The following ZNF609 variants were observed in gnomAD, a reference collection of about 807,000 sequenced individuals.
ZNF609 encodes zinc finger protein 609.
A neutral mutation model predicts 109.5 loss-of-function variants in ZNF609; 11 were observed. That is an observed-to-expected ratio of 0.10 (90% CI 0.06 to 0.17). The LOEUF is 0.17. ZNF609 is among the 10% of genes least tolerant of loss of function. The pLI is 1.00. For missense variants in ZNF609, 1,559 were observed against 1,772.4 expected, an observed-to-expected ratio of 0.88 and a Z score of 2.16; for synonymous variants, 646 against 662.0, an observed-to-expected ratio of 0.98 and a Z score of 0.37.
At chr15:64,586,852 T>G (rs1198404920) in intron 2 of ZNF609, among the ~76,000 whole-genome samples, 1 of 152,240 alleles carries the variant, frequency 6.6e-6, no homozygotes, top group Non-Finnish European at 1.5e-5. Flanking sequence ...ATATGCTTTT[T>G]AATTAGTTGT....
chr15:64,499,195 G>A, intron 1 of ZNF609, 98 bp from the exon 2 acceptor site: 1 of 525,598 alleles, frequency 1.9e-6, no homozygotes, highest in South Asian at 2.8e-5. Flanking sequence ...TGATATGATA[G>A]CCCCATAGGA....
intron 2 of ZNF609, among the ~76,000 whole-genome samples, chr15:64,605,122 T>G (rs1895573490): frequency 6.6e-6 from 1 of 152,142 alleles, no homozygotes; most frequent in Non-Finnish European, 1.5e-5. Flanking sequence ...TAAGCCACCG[T>G]GCCCGGCCTA....
At chr15:64,461,530 CAG>C (rs1388134066) in intron 1 of ZNF609, among the ~76,000 whole-genome samples, 1 of 152,100 alleles carries the variant, frequency 6.6e-6, no homozygotes, top group Non-Finnish European at 1.5e-5. Context: ...GTGCTTTGCT[CAG>C]ATTCTCCTTC....
rs143682184 is a variant in ZNF609 at position 64,625,590 on chromosome 15, C to T, written c.973+2538C>T. On this transcript the variant is annotated intron_variant, in intron 3 of 9. Coordinates refer to ENST00000326648, the MANE Select transcript of ZNF609 (RefSeq NM_015042.2). ...ATGTCATTGTCATTTCTGGATCTAT[C>T]TTAATATATATCTAGAGGAGCCGGG... Among the ~76,000 whole-genome samples the T allele has an allele frequency of 2.1e-3, 322 of 152,028 alleles. 2 individuals are homozygous for T. Among genetic ancestry groups the T allele is most frequent in the African/African-American group, 7.3e-3 (301 of 41,488 alleles).
chr15:64,479,284 A>ATTT (rs34496032), intron 1 of ZNF609, among the ~76,000 whole-genome samples: 4,752 of 86,396 alleles, frequency 0.055, 717 homozygotes, highest in African/African-American at 0.088. Flanking sequence ...TACCTGTGTG[A>ATTT]TTTTTTTTTT....
chr15:64,530,833 T>A (rs1894050520), intron 2 of ZNF609, among the ~76,000 whole-genome samples: 1 of 152,172 alleles, frequency 6.6e-6, no homozygotes, highest in Admixed American at 6.5e-5. Context: ...TAGAGAGAAG[T>A]AATACTTTGA....
intron 1 of ZNF609, among the ~76,000 whole-genome samples, chr15:64,486,881 T>A (rs755187360): frequency 2.6e-5 from 4 of 152,222 alleles, no homozygotes; most frequent in Non-Finnish European, 4.4e-5. Flanking sequence ...ATTACAGGTG[T>A]GAGCCACTAC....
chr15:64,603,313 C>G (rs1346875478), intron 2 of ZNF609, among the ~76,000 whole-genome samples: 1 of 150,568 alleles, frequency 6.6e-6, no homozygotes, highest in Non-Finnish European at 1.5e-5. Flanking sequence ...TCTTGTCACC[C>G]AGGCTGGAGT....
At chr15:64,545,850 C>G (rs1466166353) in intron 2 of ZNF609, among the ~76,000 whole-genome samples, 1 of 152,008 alleles carries the variant, frequency 6.6e-6, no homozygotes, top group Non-Finnish European at 1.5e-5. Flanking sequence ...CAGTTTTTTT[C>G]TTTTTATTGC....
At chr15:64,489,144 A>G (rs1388602158) in intron 1 of ZNF609, among the ~76,000 whole-genome samples, 1 of 151,638 alleles carries the variant, frequency 6.6e-6, no homozygotes, top group Non-Finnish European at 1.5e-5. Context: ...GATTTTACAC[A>G]ACAGTTCTGT....
chr15:64,541,581 C>T (rs548352899), intron 2 of ZNF609, among the ~76,000 whole-genome samples: 1 of 152,074 alleles, frequency 6.6e-6, no homozygotes, highest in African/African-American at 2.4e-5. Flanking sequence ...TGGCTCATGC[C>T]TGTAATCCCA....
At chr15:64,566,002 C>T (rs1220767914) in intron 2 of ZNF609, among the ~76,000 whole-genome samples, 2 of 152,088 alleles carry the variant, frequency 1.3e-5, no homozygotes, top group Non-Finnish European at 2.9e-5. Flanking sequence ...GTGTGCACCA[C>T]CATGCCCGGC....
intron 2 of ZNF609, among the ~76,000 whole-genome samples, chr15:64,507,778 A>G (rs1245803876): frequency 6.6e-6 from 1 of 152,202 alleles, no homozygotes; most frequent in Non-Finnish European, 1.5e-5. Context: ...CATTTGAAAT[A>G]GAGAGCAGAG....
intron 3 of ZNF609, among the ~76,000 whole-genome samples, chr15:64,651,056 G>C (rs1396630843): frequency 6.6e-6 from 1 of 152,146 alleles, no homozygotes; most frequent in Admixed American, 6.5e-5. Context: ...AGGCAACTTT[G>C]TGAGGAGGGA....
Position 64,675,290 on chromosome 15 carries a change from C to T in ZNF609, c.2436C>T (p.Arg812=), listed in dbSNP as rs748523813. 1 of 1,614,094 alleles carries T rather than the reference C, an allele frequency of 6.2e-7. No homozygotes were observed. The highest frequency in any genetic ancestry group is 8.5e-7 in the Non-Finnish European group (1 of 1,180,026). Residue 812 remains arginine (R), a synonymous_variant, in exon 5 of 10, where the codon CGC becomes CGT. Coordinates refer to ENST00000326648, the MANE Select transcript of ZNF609 (RefSeq NM_015042.2). ...GCCCTTCCATTGGAGGCAGTAGCCG[C>T]CTTGAAAACACTACCCCTACTCAGC... The part of the protein sequence containing the change: ...APSPSIGGSS[R]LENTTPTQPL...
At chr15:64,484,471 T>A (rs1427026434) in intron 1 of ZNF609, among the ~76,000 whole-genome samples, 3 of 141,334 alleles carry the variant, frequency 2.1e-5, no homozygotes, top group South Asian at 2.3e-4. Flanking sequence ...AGGTCAGGAG[T>A]TCCGGGCCAG....
chr15:64,670,238 G>C, intron 3 of ZNF609, 108 bp from the exon 4 acceptor site: 1 of 854,894 alleles, frequency 1.2e-6, no homozygotes, highest in Non-Finnish European at 2.0e-6. Flanking sequence ...GGTACCCAGA[G>C]TACCTCCTAA....
intron 2 of ZNF609, among the ~76,000 whole-genome samples, chr15:64,526,144 G>T (rs1275168222): frequency 7.0e-6 from 1 of 143,134 alleles, no homozygotes; most frequent in African/African-American, 2.6e-5. Context: ...TTTAGGGGTT[G>T]TACACCAAAA....
At position 64,460,608 on chromosome 15, in the gene ZNF609, T is replaced by TGGCGGC. The variant is rs1220499952; in HGVS notation, c.-354_-349dup. 1 of 158,776 alleles carries TGGCGGC rather than the reference T, an allele frequency of 6.3e-6. No individual in the cohort carries two copies. Among genetic ancestry groups the TGGCGGC allele is most frequent in the Non-Finnish European group, 1.3e-5 (1 of 75,186 alleles). The allele number at this position is 158,776 out of a possible 1,614,324, so 9.8% of individuals were successfully genotyped here. A position where few individuals can be genotyped will look rare whatever the true frequency, so the allele number is the denominator to read the frequency against. ...TCCCGGATCGCGGCGGCGGCGGCGG[T>TGGCGGC]GGCGGCGGCTGAGGGACCCGCGGCC... On this transcript the variant is annotated 5_prime_UTR_variant, in exon 1 of 10. Transcript: ENST00000326648.
Sources: gnomAD v4.1 joint callset for allele counts (sites outside exome capture counted in the v4.1 genomes callset) on GRCh38, gnomAD v4.1.1 for gene constraint, MANE v1.5 for transcripts, NCBI Gene and HGNC (gene_info 2026-07-23, HGNC 2026-07-21) for gene names.